The following CA5B variants were observed in gnomAD, a reference collection of about 807,000 sequenced individuals.
CA5B encodes carbonic anhydrase 5B, mitochondrial.
In CA5B, 15 loss-of-function variants were observed where a neutral mutation model predicts 23.1. The ratio of observed to expected loss-of-function variants is 0.65; its 90% confidence interval spans 0.43 to 1.00. The LOEUF is 1.00. CA5B is among the 50% of genes least tolerant of loss of function. The pLI is 0.00. For synonymous variants in CA5B, 84 were observed against 98.5 expected (o/e 0.85, Z 0.87); for missense variants, 236 against 252.2 (o/e 0.94, Z 0.43).
chrX:15,740,781 C>T (rs1252661751), intron 1 of CA5B, among the ~76,000 whole-genome samples: 3 of 112,769 alleles, frequency 2.7e-5, no homozygotes, highest in African/African-American at 9.6e-5. Flanking sequence ...GAGGGCTGGG[C>T]GCCATGGCTC....
At position 15,764,583 on chromosome X, in the gene CA5B, C is replaced by A. The variant is rs138875072; in HGVS notation, c.148C>A (p.Pro50Thr). 1 of 1,208,060 alleles carries A rather than the reference C, an allele frequency of 8.3e-7. No homozygotes were observed. The highest frequency in any genetic ancestry group is 1.1e-6 in the Non-Finnish European group (1 of 893,793). Residue 50 changes from proline to threonine, a missense_variant, in exon 3 of 8, where the codon CCA becomes ACA. Transcript: ENST00000318636. ...TYKTRNRALH[P>T]LWESVDLVPG... ...GCTGACCTGCTTTCTCCTAGTGCAT[C>A]CACTCTGGGAGAGCGTGGACCTGGT...
At chrX:15,775,186 T>A in intron 5 of CA5B, 60 bp from the exon 6 acceptor site, 2 of 871,497 alleles carry the variant, frequency 2.3e-6, no homozygotes, top group South Asian at 2.5e-5. Context: ...CACATTCTGT[T>A]ACAGTTTCTA....
chrX:15,764,962 C>T (rs1931677081), intron 3 of CA5B, 187 bp downstream of exon 3: 14 of 592,893 alleles, frequency 2.4e-5, no homozygotes, highest in Middle Eastern at 5.5e-4. Context: ...TTTTCTTCAA[C>T]TAGTATAGGT....
chrX:15,750,130 T>A lies in CA5B; in HGVS notation c.107T>A (p.Leu36His). Reference sequence around the variant, plus strand: ...TTCATGCCAGCGAGGCCCTGCAGCCTCTATACTTGTACTTACAAAACCCGG... The same window carrying A: ...TTCATGCCAGCGAGGCCCTGCAGCCACTATACTTGTACTTACAAAACCCGG... Reference protein sequence around the residue: ...PRFMPARPCSLYTCTYKTRNR... With the variant: ...PRFMPARPCSHYTCTYKTRNR... The change falls in exon 2 of 8, where the codon CTC becomes CAC. Residue 36 changes from leucine (L) to histidine (H), a missense_variant. Coordinates refer to ENST00000318636, the MANE Select transcript of CA5B (RefSeq NM_007220.4). 8.3e-7 allele frequency: 1 copy of A among 1,211,397 alleles called. No homozygotes were observed. Among genetic ancestry groups the A allele is most frequent in the Non-Finnish European group, 1.1e-6 (1 of 895,253 alleles).
Position 15,783,475 on chromosome X carries a change from G to T in CA5B, c.*811G>T, listed in dbSNP as rs1356734824. 8 of 111,733 alleles carry T rather than the reference G, an allele frequency of 7.2e-5. No individual in the cohort carries two copies. The highest frequency in any genetic ancestry group is 1.3e-4 in the Non-Finnish European group (7 of 53,180). 9.2% of individuals were successfully genotyped at this position (111,733 alleles called of 1,213,427 possible). On this transcript the variant is annotated 3_prime_UTR_variant, in exon 8 of 8. Transcript: ENST00000318636. ...TTTTGCTTAAAGGTCTGATCATATA[G>T]GAAATATATGCAGAACATTTTAAAG... is the stretch of plus-strand genomic sequence containing the variant.
intron 2 of CA5B, chrX:15,763,004 T>C (rs893890110): frequency 1.0e-5 from 3 of 298,342 alleles, no homozygotes; most frequent in African/African-American, 5.5e-5. Flanking sequence ...TCAGTGCCTG[T>C]GGAGGATAAA....
intron 1 of CA5B, among the ~76,000 whole-genome samples, chrX:15,743,439 CCA>C (rs1931161949): frequency 2.7e-5 from 3 of 112,222 alleles, no homozygotes; most frequent in Admixed American, 9.5e-5. Context: ...AATGTGAGCT[CCA>C]TAAGGGTAAG....
chrX:15,771,264 A>G (rs1256780128), intron 3 of CA5B, among the ~76,000 whole-genome samples: 1 of 102,365 alleles, frequency 9.8e-6, no homozygotes, highest in Non-Finnish European at 2.0e-5. Flanking sequence ...CCAACTACTC[A>G]GGAGACTGAG....
At chrX:15,746,590 A>G (rs1034140952) in intron 1 of CA5B, among the ~76,000 whole-genome samples, 15 of 111,566 alleles carry the variant, frequency 1.3e-4, no homozygotes, top group Non-Finnish European at 1.9e-4. Context: ...GGGAATTGCA[A>G]TGGAGAAAGA....
At chrX:15,777,541 C>G (rs5980185) in intron 7 of CA5B, among the ~76,000 whole-genome samples, 42,756 of 109,783 alleles carry the variant, frequency 0.39, 6,787 homozygotes, top group Non-Finnish European at 0.49. Flanking sequence ...GGACCCCCCT[C>G]TGAAGAATAT....
In CA5B at chrX:15,767,986, C is replaced by T. The variant is rs191077575; in HGVS notation, c.340+3211C>T. On this transcript the variant is annotated intron_variant, in intron 3 of 7. Coordinates refer to ENST00000318636, the MANE Select transcript of CA5B (RefSeq NM_007220.4). ...TGATCTTGGCTCACTGCAACCTTCA[C>T]CTCCTGGCTTCAGGCAATTATCCCG... Among the ~76,000 whole-genome samples the T allele has an allele frequency of 1.5e-3, 154 of 103,614 alleles. 1 individual carries two copies. The highest frequency in any genetic ancestry group is 4.5e-3 in the African/African-American group (126 of 28,003). The allele number at this position is 103,614 out of a possible 115,157, so 90.0% of individuals were successfully genotyped here.
At chrX:15,759,417 C>T (rs768132935) in intron 2 of CA5B, among the ~76,000 whole-genome samples, 3 of 111,643 alleles carry the variant, frequency 2.7e-5, no homozygotes, top group Non-Finnish European at 5.6e-5. Context: ...AGAGCTCCCT[C>T]GTACCTTGTA....
intron 1 of CA5B, among the ~76,000 whole-genome samples, chrX:15,739,040 G>A (rs1473304009): frequency 1.8e-5 from 2 of 112,248 alleles, no homozygotes; most frequent in Non-Finnish European, 3.8e-5. Flanking sequence ...GTTGGTTTTC[G>A]TGATTCTTGT....
chrX:15,764,243 C>CT (rs148003758), intron 2 of CA5B, among the ~76,000 whole-genome samples: 44 of 103,028 alleles, frequency 4.3e-4, no homozygotes, highest in South Asian at 8.5e-4. Flanking sequence ...AGTAGACAGG[C>CT]TTTTTTTTTT....
chrX:15,743,563 G>A (rs1323665219), intron 1 of CA5B, among the ~76,000 whole-genome samples: 1 of 111,893 alleles, frequency 8.9e-6, no homozygotes, highest in Non-Finnish European at 1.9e-5. Flanking sequence ...AATGAAGGTT[G>A]GTTAAAGGAA....
intron 1 of CA5B, among the ~76,000 whole-genome samples, chrX:15,743,821 G>T: frequency 8.9e-6 from 1 of 111,962 alleles, no homozygotes; most frequent in Non-Finnish European, 1.9e-5. Context: ...GACTTGGAAT[G>T]ATGGGAAGTT....
rs1452709415 is a variant in CA5B at position 15,774,305 on chromosome X, C to T, written c.463C>T (p.His155Tyr). Reference protein sequence around the residue: ...VDSKCFPAELHLVHWNAVRFE... With the variant: ...VDSKCFPAELYLVHWNAVRFE... ...CCCTCTTTTCATGGTGTTTCAGCTG[C>T]ACTTAGTGCATTGGAACGCAGTCAG... The change falls in exon 5 of 8, where the codon CAC (histidine) becomes TAC (tyrosine). Residue 155 changes from histidine to tyrosine, a missense_variant. His to Tyr is a moderately conservative substitution (Grantham distance 83). Coordinates refer to ENST00000318636, the MANE Select transcript of CA5B (RefSeq NM_007220.4). 8.3e-7 allele frequency: 1 copy of T among 1,207,863 alleles called. No individual in the cohort carries two copies. The highest frequency in any genetic ancestry group is 3.0e-5 in the East Asian group (1 of 33,768).
chrX:15,752,410 A>G lies in CA5B; in HGVS notation c.142+2245A>G, dbSNP rs182670958. 1.9e-3 allele frequency among the ~76,000 whole-genome samples: 209 copies of G among 112,093 alleles called. 3 individuals are homozygous for G. Among genetic ancestry groups the G allele is most frequent in the Non-Finnish European group, 2.1e-3 (111 of 53,210 alleles). On this transcript the variant is annotated intron_variant, in intron 2 of 7. Coordinates refer to ENST00000318636, the MANE Select transcript of CA5B (RefSeq NM_007220.4). ...AAATAGCCCTGCAAAGCTGTTCTGC[A>G]TGGGGGAAAATTTGTATCTGTAAAG... is the stretch of plus-strand genomic sequence containing the variant.
In CA5B at chrX:15,754,271, C is replaced by T. The variant is rs137963232; in HGVS notation, c.142+4106C>T. Among the ~76,000 whole-genome samples the T allele has an allele frequency of 2.9e-3, 331 of 112,657 alleles. 1 individual carries two copies. Among genetic ancestry groups the T allele is most frequent in the African/African-American group, 9.1e-3 (284 of 31,050 alleles). ...GCAAAGTCCTTAGCTAGTGATGTCA[C>T]GCAGTGAGGACTCAGTGTTGGCAGC... On this transcript the variant is annotated intron_variant, in intron 2 of 7. Transcript: ENST00000318636.
Sources: gnomAD v4.1 joint callset for allele counts (sites outside exome capture counted in the v4.1 genomes callset) on GRCh38, gnomAD v4.1.1 for gene constraint, MANE v1.5 for transcripts, NCBI Gene and HGNC (gene_info 2026-07-23, HGNC 2026-07-21) for gene names.